Variants in NHSL2 observed in about 807,000 individuals in gnomAD.
The protein encoded by NHSL2 is NHS-like protein 2.
A neutral mutation model predicts 53.4 loss-of-function variants in NHSL2; 27 were observed. That is an observed-to-expected ratio of 0.51 (90% CI 0.37 to 0.70). The LOEUF (loss-of-function observed/expected upper bound fraction) is 0.70, where lower values mean the gene tolerates loss of function less well. Among genes scored for constraint, NHSL2 ranks in the 30% least tolerant of loss-of-function variants. The pLI, the probability that NHSL2 is intolerant of heterozygous loss-of-function variation, is 0.00. For missense variants in NHSL2, 892 were observed against 980.1 expected, an observed-to-expected ratio of 0.91 and a Z score of 1.20; for synonymous variants, 408 against 404.1, an observed-to-expected ratio of 1.01 and a Z score of -0.12.
chrX:72,061,593 C>T (rs1272892575), intron 1 of NHSL2, among the ~76,000 whole-genome samples: 4 of 112,294 alleles, frequency 3.6e-5, no homozygotes, highest in Non-Finnish European at 7.5e-5. Context: ...CCCTCCAGCC[C>T]TTTGTTTACA....
In NHSL2 at chrX:72,138,869, C is replaced by T; in HGVS notation, c.1321C>T (p.Leu441Phe). Residue 441 changes from leucine (L) to phenylalanine (F), a missense_variant, in exon 6 of 8, where the codon CTC (leucine) becomes TTC (phenylalanine). Coordinates refer to ENST00000633930, the MANE Select transcript of NHSL2 (RefSeq NM_001013627.3). ...TCTGGTTCCTAAGGAGGCTGCTACCCTCCTTGTCGCTCGTGATAACCCAGC... is the reference window on the plus strand; with the variant it reads ...TCTGGTTCCTAAGGAGGCTGCTACCTTCCTTGTCGCTCGTGATAACCCAGC... The part of the protein sequence containing the change: ...PPLVPKEAAT[L>F]LVARDNPAGC... 1 of 1,209,937 alleles carries T rather than the reference C, an allele frequency of 8.3e-7. No individual in the cohort carries two copies. The highest frequency in any genetic ancestry group is 1.1e-6 in the Non-Finnish European group (1 of 894,005).
In NHSL2 at chrX:72,151,259, T is replaced by A. The variant is rs760299738; in HGVS notation, c.*7685T>A. The A allele has an allele frequency of 9.1e-6, 1 of 110,243 alleles. No individual in the cohort carries two copies. Among genetic ancestry groups the A allele is most frequent in the Non-Finnish European group, 1.9e-5 (1 of 52,753 alleles). 9.1% of individuals were successfully genotyped at this position (110,243 alleles called of 1,213,427 possible). ...CAGGATGTTCTCGATCTCCTGACCT[T>A]GTGATCCGCCCACCTCGGCCTCCCA... On this transcript the variant is annotated 3_prime_UTR_variant, in exon 8 of 8. Coordinates refer to ENST00000633930, the MANE Select transcript of NHSL2 (RefSeq NM_001013627.3).
Position 72,082,712 on chromosome X carries a change from C to T in NHSL2, c.281-49367C>T, listed in dbSNP as rs577562995. 3.6e-5 allele frequency among the ~76,000 whole-genome samples: 4 copies of T among 112,208 alleles called. No homozygotes were observed. The South Asian group carries it at 1.5e-3, about 41-fold the overall frequency. ...TTTGGAGCAGCTCTGATGTGCTGGC[C>T]TCTCTCATTTCCTTGGGTTTCTTTT... On this transcript the variant is annotated intron_variant, in intron 1 of 7. Transcript: ENST00000633930.
In NHSL2 at chrX:72,143,938, T is replaced by G. The variant is rs1412717282; in HGVS notation, c.*364T>G. On this transcript the variant is annotated 3_prime_UTR_variant, in exon 8 of 8. Coordinates refer to ENST00000633930, the MANE Select transcript of NHSL2 (RefSeq NM_001013627.3). Reference sequence around the variant, plus strand: ...ATCCCTGGCTCCTGTCACTGAGGAGTGCAGTGTGAGAGCAGATTGGAGGCT... The same window carrying G: ...ATCCCTGGCTCCTGTCACTGAGGAGGGCAGTGTGAGAGCAGATTGGAGGCT... The G allele has an allele frequency of 7.9e-5, 11 of 139,662 alleles. No individual in the cohort carries two copies. The highest frequency in any genetic ancestry group is 1.1e-4 in the Non-Finnish European group (8 of 71,758). 11.5% of individuals were successfully genotyped at this position (139,662 alleles called of 1,213,427 possible).
At chrX:72,061,688 T>C (rs1023191238) in intron 1 of NHSL2, among the ~76,000 whole-genome samples, 2 of 112,190 alleles carry the variant, frequency 1.8e-5, no homozygotes, top group African/African-American at 6.5e-5. Context: ...CCCATTGCAC[T>C]TCAGATAACA....
chrX:72,084,658 C>T (rs775735254), intron 1 of NHSL2, among the ~76,000 whole-genome samples: 6 of 112,086 alleles, frequency 5.4e-5, no homozygotes, highest in East Asian at 5.6e-4. Context: ...AGCAGTTCCG[C>T]GGCTGAGGGA....
rs1282397461 is a variant in NHSL2, at chrX:72,139,489, C to T, written c.1941C>T (p.Asp647=). ...HWYLTDWKSG[D]TYQSLSSSST... ...ATCTTACTGACTGGAAGTCTGGTGACACCTACCAATCCCTGTCCAGCTCCA... is the reference window on the plus strand; with the variant it reads ...ATCTTACTGACTGGAAGTCTGGTGATACCTACCAATCCCTGTCCAGCTCCA... The change falls in exon 6 of 8, where the codon GAC becomes GAT. Residue 647 remains aspartate, a synonymous_variant. Coordinates refer to ENST00000633930, the MANE Select transcript of NHSL2 (RefSeq NM_001013627.3). 8.3e-7 allele frequency: 1 copy of T among 1,210,168 alleles called. No individual in the cohort carries two copies. The highest frequency in any genetic ancestry group is 1.8e-5 in the South Asian group (1 of 56,921).
rs1302018114 is a variant in NHSL2, at chrX:72,152,444, T to G, written c.*8870T>G. ...TTAGGTCCAGATCTGATGGGACTGG[T>G]CAAGAAGGGGATGGTGGGGGCTCCT... is the stretch of plus-strand genomic sequence containing the variant. On this transcript the variant is annotated 3_prime_UTR_variant, in exon 8 of 8. Transcript: ENST00000633930. 1.8e-5 allele frequency: 2 copies of G among 111,110 alleles called. No homozygotes were observed. Among genetic ancestry groups the G allele is most frequent in the Admixed American group, 1.9e-4 (2 of 10,437 alleles). The allele number at this position is 111,110 out of a possible 1,213,427, so 9.2% of individuals were successfully genotyped here. A position where few individuals can be genotyped will look rare whatever the true frequency, so the allele number is the denominator to read the frequency against.
At position 71,942,972 on chromosome X, in the gene NHSL2, C is replaced by CTG. The variant is rs58935869; in HGVS notation, c.280+31639_280+31640dup. Among the ~76,000 whole-genome samples, 55 of 74,030 alleles carry CTG rather than the reference C, an allele frequency of 7.4e-4. 2 individuals carry two copies. The highest frequency in any genetic ancestry group is 2.5e-3 in the African/African-American group (45 of 18,219). The allele number at this position is 74,030 out of a possible 115,157, so 64.3% of individuals were successfully genotyped here. A position where few individuals can be genotyped will look rare whatever the true frequency, so the allele number is the denominator to read the frequency against. On this transcript the variant is annotated intron_variant, in intron 1 of 7. Transcript: ENST00000633930. ...GCTCTCTCTCTCTCTCTCTCTCTCTCTGTGTGTGTGTGTGTGTGTGTGTGT... is the reference window on the plus strand; with the variant it reads ...GCTCTCTCTCTCTCTCTCTCTCTCTCTGTGTGTGTGTGTGTGTGTGTGTGTGT...
At chrX:72,072,151 T>C (rs887755600) in intron 1 of NHSL2, among the ~76,000 whole-genome samples, 7 of 112,841 alleles carry the variant, frequency 6.2e-5, no homozygotes, top group Non-Finnish European at 1.3e-4. Context: ...ATTGTAGTTG[T>C]AACAGAGAAA....
At chrX:72,078,340 T>A (rs1487499845) in intron 1 of NHSL2, among the ~76,000 whole-genome samples, 1 of 112,449 alleles carries the variant, frequency 8.9e-6, no homozygotes, top group East Asian at 2.8e-4. Context: ...TTTGAAGCAG[T>A]ATCAATGCCT....
At chrX:72,074,994 G>A (rs1463867341) in intron 1 of NHSL2, among the ~76,000 whole-genome samples, 4 of 112,190 alleles carry the variant, frequency 3.6e-5, no homozygotes, top group African/African-American at 1.3e-4. Flanking sequence ...CAATTACACT[G>A]GGAAATCATT....
At position 72,143,645 on chromosome X, in the gene NHSL2, A is replaced by C; in HGVS notation, c.*71A>C. ...GAAGGGGGAAGAGAAAGGGTCTTTA[A>C]ACAGAACCATGGGAACAACAGAGCC... On this transcript the variant is annotated 3_prime_UTR_variant, in exon 8 of 8. Transcript: ENST00000633930. 1 of 690,111 alleles carries C rather than the reference A, an allele frequency of 1.4e-6. No homozygotes were observed. The highest frequency in any genetic ancestry group is 2.1e-6 in the Non-Finnish European group (1 of 467,967). The allele number at this position is 690,111 out of a possible 1,213,427, so 56.9% of individuals were successfully genotyped here. A position where few individuals can be genotyped will look rare whatever the true frequency, so the allele number is the denominator to read the frequency against.
chrX:71,993,181 C>T (rs942507306), intron 1 of NHSL2, among the ~76,000 whole-genome samples: 1 of 112,110 alleles, frequency 8.9e-6, no homozygotes, highest in African/African-American at 3.3e-5. Context: ...AGCTGGAAGC[C>T]GTGGAAGCCC....
At position 71,911,032 on chromosome X, in the gene NHSL2, G is replaced by T. The variant is rs1236053049; in HGVS notation, c.-56G>T. 2.0e-5 allele frequency: 19 copies of T among 933,031 alleles called. No homozygotes were observed. The highest frequency in any genetic ancestry group is 2.4e-5 in the Non-Finnish European group (18 of 746,275). 76.9% of individuals were successfully genotyped at this position (933,031 alleles called of 1,213,427 possible). The stretch of plus-strand genomic sequence containing the variant: ...GGCGCTCGGGCCAGGGGCGCTGCTC[G>T]GGGTGAGCCCGCCGCGCCGCCAGAC... On this transcript the variant is annotated 5_prime_UTR_variant, in exon 1 of 8. Coordinates refer to ENST00000633930, the MANE Select transcript of NHSL2 (RefSeq NM_001013627.3).
chrX:72,003,485 G>A (rs946271114), intron 1 of NHSL2, among the ~76,000 whole-genome samples: 1 of 111,486 alleles, frequency 9.0e-6, no homozygotes, highest in Non-Finnish European at 1.9e-5. Context: ...TCAGCTGGGT[G>A]GGCTAAACCA....
intron 1 of NHSL2, among the ~76,000 whole-genome samples, chrX:72,040,437 C>G (rs1349264792): frequency 8.9e-6 from 1 of 112,102 alleles, no homozygotes; most frequent in Non-Finnish European, 1.9e-5. Flanking sequence ...AATGAAGTAT[C>G]GTGATTTCCA....
chrX:72,142,121 C>G (rs2042422783), intron 6 of NHSL2, 111 bp from the exon 7 acceptor site: 1 of 540,784 alleles, frequency 1.8e-6, no homozygotes, highest in African/African-American at 2.4e-5. Context: ...AAAATCTCCA[C>G]CCTGCTGCCC....
At chrX:72,006,736 G>T (rs950000545) in intron 1 of NHSL2, among the ~76,000 whole-genome samples, 1 of 112,514 alleles carries the variant, frequency 8.9e-6, no homozygotes, top group South Asian at 3.6e-4. Context: ...GTAGAGAAAG[G>T]TTCTTGCTCT....
Sources: allele counts gnomAD v4.1 joint callset (sites outside exome capture counted in the v4.1 genomes callset), GRCh38; gene constraint gnomAD v4.1.1; transcripts MANE v1.5; gene names NCBI Gene and HGNC (gene_info 2026-07-23, HGNC 2026-07-21).